The following MEGF10 variants were observed in gnomAD, a reference collection of about 807,000 sequenced individuals.
The protein encoded by MEGF10 is multiple EGF like domains 10.
A neutral mutation model predicts 147.5 loss-of-function variants in MEGF10; 86 were observed. The observed-to-expected ratio is 0.58, with a 90% CI of 0.49 to 0.70. The LOEUF (loss-of-function observed/expected upper bound fraction) is 0.70, where lower values mean the gene tolerates loss of function less well. MEGF10 is among the 30% of genes least tolerant of loss of function. MEGF10 has a pLI of 0.00. For missense variants in MEGF10, 1,329 were observed against 1,487.3 expected (o/e 0.89, Z 1.75); for synonymous variants, 478 against 525.5 (o/e 0.91, Z 1.24).
intron 1 of MEGF10, among the ~76,000 whole-genome samples, chr5:127,317,229 C>T (rs1405260600): frequency 6.6e-6 from 1 of 151,984 alleles, no homozygotes; most frequent in Admixed American, 6.6e-5. Context: ...GGATATTAGC[C>T]CTTTGTCAGA....
rs1156343610 is a variant in MEGF10 at position 127,434,710 on chromosome 5, C to T, written c.1864C>T (p.His622Tyr). ...QRICSPGFYG[H>Y]RCSQTCPQCV... is the part of the protein sequence containing the mutation. Reference sequence around the variant, plus strand: ...AGTCTGCTCCCCTGGTTTTTATGGGCATCGCTGCAGCCAGACATGCCCACA... The same window carrying T: ...AGTCTGCTCCCCTGGTTTTTATGGGTATCGCTGCAGCCAGACATGCCCACA... Residue 622 changes from histidine to tyrosine, a missense_variant, in exon 15 of 25, where the codon CAT becomes TAT. By Grantham distance (83) the His-to-Tyr change is moderately conservative. Coordinates refer to ENST00000503335, the MANE Select transcript of MEGF10 (RefSeq NM_001256545.2). 6.2e-7 allele frequency: 1 copy of T among 1,612,904 alleles called. No individual in the cohort carries two copies. The highest frequency in any genetic ancestry group is 8.5e-7 in the Non-Finnish European group (1 of 1,179,508).
intron 1 of MEGF10, among the ~76,000 whole-genome samples, chr5:127,295,183 A>AT (rs146140674): frequency 0.068 from 10,396 of 152,232 alleles, 461 homozygotes; most frequent in African/African-American, 0.12. Flanking sequence ...TGAAGATTGT[A>AT]TAAAAGCCTA....
chr5:127,416,019 T>G (rs1187468518), intron 9 of MEGF10, among the ~76,000 whole-genome samples: 1 of 147,972 alleles, frequency 6.8e-6, no homozygotes, highest in Non-Finnish European at 1.5e-5. Context: ...CAGTTTTTGT[T>G]TTTGTTTTTG....
intron 4 of MEGF10, among the ~76,000 whole-genome samples, chr5:127,342,620 G>A (rs890900186): frequency 6.6e-6 from 1 of 152,034 alleles, no homozygotes. Context: ...CAACACCTCC[G>A]TTTTTTAACT....
intron 1 of MEGF10, among the ~76,000 whole-genome samples, chr5:127,304,559 TCTCAG>T (rs1759928948): frequency 1.3e-5 from 2 of 152,216 alleles, no homozygotes; most frequent in Non-Finnish European, 2.9e-5. Flanking sequence ...AGTGGCATCG[TCTCAG>T]CTCACTGTAA....
chr5:127,258,626 G>A, the MEGF10 span, among the ~76,000 whole-genome samples: 7 of 152,152 alleles, frequency 4.6e-5, no homozygotes, highest in African/African-American at 1.7e-4. Flanking sequence ...AATTGCCATT[G>A]TGATGGTACT....
the MEGF10 span, among the ~76,000 whole-genome samples, chr5:127,250,920 A>G: frequency 6.6e-6 from 1 of 152,148 alleles, no homozygotes; most frequent in Non-Finnish European, 1.5e-5. Context: ...TAATAATAAA[A>G]AACCCTAACA....
intron 14 of MEGF10, among the ~76,000 whole-genome samples, chr5:127,434,180 T>C (rs189323495): frequency 4.0e-4 from 61 of 152,330 alleles, no homozygotes; most frequent in African/African-American, 1.4e-3. Flanking sequence ...CTTAAGTATA[T>C]AGCATTTTGG....
intron 4 of MEGF10, among the ~76,000 whole-genome samples, chr5:127,341,275 G>T (rs1034663816): frequency 6.6e-6 from 1 of 152,138 alleles, no homozygotes; most frequent in Non-Finnish European, 1.5e-5. Flanking sequence ...TTCTTTCTTT[G>T]TGTATAGGTC....
At chr5:127,327,625 A>G (rs1387229936) in intron 1 of MEGF10, among the ~76,000 whole-genome samples, 1 of 152,024 alleles carries the variant, frequency 6.6e-6, no homozygotes, top group Non-Finnish European at 1.5e-5. Context: ...CACTATGTTT[A>G]CTCACCAAAA....
the MEGF10 span, among the ~76,000 whole-genome samples, chr5:127,282,524 G>T: frequency 1.3e-5 from 2 of 152,178 alleles, no homozygotes; most frequent in Non-Finnish European, 2.9e-5. Context: ...TGTAATAAAG[G>T]CCTGACCAAT....
the MEGF10 span, among the ~76,000 whole-genome samples, chr5:127,275,166 G>T: frequency 6.6e-6 from 1 of 152,190 alleles, no homozygotes; most frequent in Non-Finnish European, 1.5e-5. Context: ...ACCATAAAAC[G>T]AAAGTTAAAG....
chr5:127,241,913 C>T, the MEGF10 span, among the ~76,000 whole-genome samples: 3 of 152,112 alleles, frequency 2.0e-5, no homozygotes, highest in Non-Finnish European at 4.4e-5. Flanking sequence ...CTGGAGACTC[C>T]AGAGCTGCTT....
the MEGF10 span, among the ~76,000 whole-genome samples, chr5:127,247,341 G>C: frequency 4.0e-4 from 1 of 2,492 alleles, no homozygotes; most frequent in African/African-American, 1.2e-3. Flanking sequence ...AGAAGAAGAA[G>C]AAGAAGAAGA....
intron 5 of MEGF10, among the ~76,000 whole-genome samples, chr5:127,376,335 G>A (rs2126874843): frequency 6.6e-6 from 1 of 152,230 alleles, no homozygotes; most frequent in South Asian, 2.1e-4. Context: ...AAGAGGGAGA[G>A]GCTGGAGACT....
the MEGF10 span, among the ~76,000 whole-genome samples, chr5:127,275,222 C>T: frequency 1.3e-5 from 2 of 152,124 alleles, no homozygotes; most frequent in African/African-American, 4.8e-5. Context: ...AGTTTCTATG[C>T]CTGTTTTATA....
Position 127,460,293 on chromosome 5 carries a change from G to T in MEGF10, c.*2975G>T, listed in dbSNP as rs1364646683. ...CTTGCCCACATGATAACTCATGTTT[G>T]CTTTAATAAGGAAAATATGTTATTT... On this transcript the variant is annotated 3_prime_UTR_variant, in exon 25 of 25. Coordinates refer to ENST00000503335, the MANE Select transcript of MEGF10 (RefSeq NM_001256545.2). 6.6e-6 allele frequency: 1 copy of T among 152,068 alleles called. No individual in the cohort carries two copies. The highest frequency in any genetic ancestry group is 2.4e-5 in the African/African-American group (1 of 41,406). The allele number at this position is 152,068 out of a possible 1,614,324, so 9.4% of individuals were successfully genotyped here.
intron 8 of MEGF10, 65 bp downstream of exon 8, chr5:127,402,747 C>G (rs924719997): frequency 2.6e-6 from 4 of 1,557,476 alleles, no homozygotes; most frequent in Non-Finnish European, 3.5e-6. Context: ...TTGTAGGGTC[C>G]GGGGAGCATC....
intron 4 of MEGF10, among the ~76,000 whole-genome samples, chr5:127,349,297 G>A (rs1762005552): frequency 6.6e-6 from 1 of 151,930 alleles, no homozygotes. Flanking sequence ...TTTAATATAA[G>A]TTTGGTAGTC....
Sources: allele counts gnomAD v4.1 joint callset (sites outside exome capture counted in the v4.1 genomes callset), GRCh38; gene constraint gnomAD v4.1.1; transcripts MANE v1.5; gene names NCBI Gene and HGNC (gene_info 2026-07-23, HGNC 2026-07-21).